Variants in CDH18 observed in about 807,000 individuals in gnomAD.
CDH18 encodes cadherin-18.
A neutral mutation model predicts 67.9 loss-of-function variants in CDH18; 31 were observed. That is an observed-to-expected ratio of 0.46 (90% CI 0.34 to 0.62). The LOEUF (loss-of-function observed/expected upper bound fraction) is 0.62. CDH18 is among the 20% of genes least tolerant of loss of function. The pLI is 0.01. For missense variants in CDH18, 890 were observed against 975.5 expected, an observed-to-expected ratio of 0.91 and a Z score of 1.17; for synonymous variants, 362 against 347.2, an observed-to-expected ratio of 1.04 and a Z score of -0.48.
At chr5:20,118,504 C>A (rs1369754187) in intron 2 of CDH18, among the ~76,000 whole-genome samples, 2 of 152,044 alleles carry the variant, frequency 1.3e-5, no homozygotes, top group African/African-American at 2.4e-5. Context: ...TTTTCAGTAA[C>A]CTAAACTAAC....
At chr5:20,281,201 C>G (rs976339219) in intron 1 of CDH18, among the ~76,000 whole-genome samples, 1 of 152,034 alleles carries the variant, frequency 6.6e-6, no homozygotes, top group Admixed American at 6.6e-5. Flanking sequence ...TGCAGAAGCT[C>G]TTTAGTTTAA....
In CDH18 at chr5:19,775,138, T is replaced by G. The variant is rs574416373; in HGVS notation, c.229-27902A>C. ...AAAAGCAAATAGCCAGTGGGGGCAA[T>G]GCACCATACTGGAAAAGCAGGTGGT... On this transcript the variant is annotated intron_variant, in intron 3 of 12. Coordinates refer to ENST00000382275, the MANE Select transcript of CDH18 (RefSeq NM_004934.5). Among the ~76,000 whole-genome samples the G allele has an allele frequency of 8.5e-5, 13 of 152,066 alleles. No homozygotes were observed. In the East Asian group the frequency reaches 2.5e-3, roughly 30 times the overall value.
intron 9 of CDH18, among the ~76,000 whole-genome samples, chr5:19,521,593 C>T (rs982964773): frequency 7.2e-5 from 11 of 151,776 alleles, no homozygotes; most frequent in African/African-American, 2.7e-4. Context: ...ACATACAATA[C>T]ATTAATAATA....
intron 10 of CDH18, among the ~76,000 whole-genome samples, chr5:19,503,558 C>T (rs1394020813): frequency 6.6e-6 from 1 of 151,934 alleles, no homozygotes; most frequent in Admixed American, 6.6e-5. Flanking sequence ...TTATTTTTTT[C>T]AGGAGGCCTT....
intron 1 of CDH18, among the ~76,000 whole-genome samples, chr5:20,381,718 G>GTGGC (rs1743923709): frequency 6.6e-6 from 1 of 152,020 alleles, no homozygotes; most frequent in Non-Finnish European, 1.5e-5. Flanking sequence ...ATCTACAAGG[G>GTGGC]TGGCCCTGAG....
chr5:20,223,853 T>C (rs917271794), intron 2 of CDH18, among the ~76,000 whole-genome samples: 3 of 152,150 alleles, frequency 2.0e-5, no homozygotes, highest in African/African-American at 7.2e-5. Context: ...CCTTCCACCA[T>C]GATTGTGAAG....
intron 4 of CDH18, among the ~76,000 whole-genome samples, chr5:19,725,046 C>T (rs1485147994): frequency 6.6e-6 from 1 of 151,934 alleles, no homozygotes. Flanking sequence ...CCTGCCTCAG[C>T]CTCCTGAGTA....
At chr5:20,018,732 C>T (rs574442398) in intron 2 of CDH18, among the ~76,000 whole-genome samples, 1 of 151,654 alleles carries the variant, frequency 6.6e-6, no homozygotes, top group South Asian at 2.1e-4. Flanking sequence ...ACATTCAGAT[C>T]TGGTAAAAAC....
intron 1 of CDH18, among the ~76,000 whole-genome samples, chr5:20,351,158 A>ATT (rs1240012604): frequency 8.9e-6 from 1 of 112,550 alleles, no homozygotes; most frequent in Non-Finnish European, 1.7e-5. Context: ...TAGTAAATGT[A>ATT]TTTGTGTGTG....
chr5:20,036,585 G>C (rs1489590504), intron 2 of CDH18, among the ~76,000 whole-genome samples: 1 of 151,900 alleles, frequency 6.6e-6, no homozygotes, highest in Non-Finnish European at 1.5e-5. Flanking sequence ...TATTTCACTA[G>C]GCATTCAGCT....
At chr5:20,402,375 T>C (rs2150130888) in intron 1 of CDH18, among the ~76,000 whole-genome samples, 1 of 152,336 alleles carries the variant, frequency 6.6e-6, no homozygotes, top group South Asian at 2.1e-4. Context: ...TCATAGGCCC[T>C]GTACCAATGC....
intron 10 of CDH18, among the ~76,000 whole-genome samples, chr5:19,512,786 C>CT (rs1329035430): frequency 1.3e-5 from 2 of 151,838 alleles, no homozygotes; most frequent in African/African-American, 4.8e-5. Context: ...AAATACTATC[C>CT]TTTTTTGCTT....
At chr5:19,486,271 GGAA>G (rs1267568253) in intron 11 of CDH18, among the ~76,000 whole-genome samples, 1 of 148,296 alleles carries the variant, frequency 6.7e-6, no homozygotes, top group African/African-American at 2.5e-5. Context: ...GAATATGAAA[GGAA>G]GAAGAAATAT....
chr5:20,075,940 A>G (rs1743892519), intron 2 of CDH18, among the ~76,000 whole-genome samples: 1 of 152,150 alleles, frequency 6.6e-6, no homozygotes, highest in Admixed American at 6.5e-5. Context: ...TTAAAAAACA[A>G]TCTAGGGAAT....
intron 1 of CDH18, among the ~76,000 whole-genome samples, chr5:20,539,757 AACACAC>A (rs1554016455): frequency 1.9e-5 from 1 of 51,338 alleles, no homozygotes; most frequent in Non-Finnish European, 5.5e-5. Flanking sequence ...CACACACACA[AACACAC>A]ACACACACAC....
chr5:19,998,284 G>A (rs546411985), intron 2 of CDH18, among the ~76,000 whole-genome samples: 14 of 152,150 alleles, frequency 9.2e-5, no homozygotes, highest in South Asian at 6.2e-4. Flanking sequence ...GTATGAAGAC[G>A]GGCTAAACTA....
intron 5 of CDH18, among the ~76,000 whole-genome samples, chr5:19,652,984 T>G (rs1755794462): frequency 6.6e-6 from 1 of 152,150 alleles, no homozygotes; most frequent in Non-Finnish European, 1.5e-5. Flanking sequence ...TCGACTTGGC[T>G]TCTAACCAGA....
chr5:19,716,089 G>A (rs1765306669), intron 5 of CDH18, among the ~76,000 whole-genome samples: 1 of 152,020 alleles, frequency 6.6e-6, no homozygotes, highest in African/African-American at 2.4e-5. Flanking sequence ...AAAGTGCTAG[G>A]ATTACAGGCT....
intron 1 of CDH18, among the ~76,000 whole-genome samples, chr5:20,474,284 C>G (rs905995515): frequency 6.6e-6 from 1 of 152,056 alleles, no homozygotes; most frequent in African/African-American, 2.4e-5. Context: ...TTCTCAAAAA[C>G]AAACAAACAA....
Sources: allele counts gnomAD v4.1 joint callset (sites outside exome capture counted in the v4.1 genomes callset), GRCh38; gene constraint gnomAD v4.1.1; transcripts MANE v1.5; gene names NCBI Gene and HGNC (gene_info 2026-07-23, HGNC 2026-07-21).